RGS12: variants seen among roughly 807,000 people sequenced by gnomAD.
RGS12 encodes the protein regulator of G-protein signaling 12.
Under a neutral mutation model 120.1 loss-of-function variants are expected in RGS12, and 66 were observed. The ratio of observed to expected loss-of-function variants is 0.55; its 90% confidence interval spans 0.45 to 0.67. The LOEUF is 0.67. Ranked by LOEUF, RGS12 falls within the 30% of genes least tolerant of loss-of-function variation. RGS12 has a pLI of 0.00. For synonymous variants in RGS12, 827 were observed against 804.7 expected, an observed-to-expected ratio of 1.03 and a Z score of -0.47; for missense variants, 1,859 against 1,957.7, an observed-to-expected ratio of 0.95 and a Z score of 0.95.
At chr4:3,368,121 G>A (rs1382599894) in intron 3 of RGS12, among the ~76,000 whole-genome samples, 1 of 152,148 alleles carries the variant, frequency 6.6e-6, no homozygotes, top group African/African-American at 2.4e-5. Flanking sequence ...CCCAGGGTCT[G>A]GGGGCCCTGG....
chr4:3,303,092 T>C (rs1216743404), intron 1 of RGS12, among the ~76,000 whole-genome samples: 2 of 151,994 alleles, frequency 1.3e-5, no homozygotes, highest in Non-Finnish European at 2.9e-5. Flanking sequence ...CACGAGGAAG[T>C]GGGTCTGACC....
chr4:3,336,090 T>C (rs1236219292), intron 2 of RGS12, among the ~76,000 whole-genome samples: 1 of 151,994 alleles, frequency 6.6e-6, no homozygotes, highest in Non-Finnish European at 1.5e-5. Flanking sequence ...AAACGCTGTC[T>C]CAACAAACAA....
intron 3 of RGS12, among the ~76,000 whole-genome samples, chr4:3,380,445 CA>C (rs1462487358): frequency 2.0e-5 from 3 of 152,220 alleles, no homozygotes; most frequent in Non-Finnish European, 4.4e-5. Context: ...GGCAGTGTCC[CA>C]GTGGGGACTC....
At chr4:3,395,786 T>G (rs1386421658) in intron 4 of RGS12, among the ~76,000 whole-genome samples, 1 of 152,230 alleles carries the variant, frequency 6.6e-6, no homozygotes, top group Non-Finnish European at 1.5e-5. Flanking sequence ...CCTTATTGAT[T>G]TATAGAATAT....
intron 1 of RGS12, among the ~76,000 whole-genome samples, chr4:3,295,499 A>G (rs1723330123): frequency 6.6e-6 from 1 of 152,054 alleles, no homozygotes; most frequent in East Asian, 1.9e-4. Context: ...CGTCTCTACT[A>G]AAAATACAAA....
At chr4:3,291,659 C>G (rs899397992), upstream of RGS12, among the ~76,000 whole-genome samples, 3 of 152,142 alleles carry the variant, frequency 2.0e-5, no homozygotes, top group African/African-American at 4.8e-5. Context: ...TTCCCTGGCT[C>G]TCTCTGCTGG....
rs557400107 is a variant in RGS12, at chr4:3,388,826, G to T, written c.2020+2389G>T. Among the ~76,000 whole-genome samples, 902 of 152,330 alleles carry T rather than the reference G, an allele frequency of 5.9e-3. 1 individual carries two copies. Among genetic ancestry groups the T allele is most frequent in the Admixed American group, 0.011 (171 of 15,308 alleles). ...ACACAGAGATCTTTTTATAGGCTGT[G>T]GTCAGTGGGAGACTCAGTGCACTGA... On this transcript the variant is annotated intron_variant, in intron 4 of 17. Coordinates refer to ENST00000336727, the MANE Select transcript of RGS12 (RefSeq NM_001394154.1).
At chr4:3,395,327 T>C (rs1233419911) in intron 4 of RGS12, among the ~76,000 whole-genome samples, 2 of 152,246 alleles carry the variant, frequency 1.3e-5, no homozygotes, top group Admixed American at 6.5e-5. Flanking sequence ...CTCTCCTAGC[T>C]GTGGACTGTC....
At chr4:3,309,608 C>A (rs1378707308) in intron 1 of RGS12, among the ~76,000 whole-genome samples, 1 of 76,952 alleles carries the variant, frequency 1.3e-5, no homozygotes, top group Non-Finnish European at 2.4e-5. Context: ...GAGCTGGGAC[C>A]TGGGAATGGC....
intron 17 of RGS12, 46 bp downstream of exon 17, chr4:3,431,001 T>G: frequency 6.3e-7 from 1 of 1,594,908 alleles, no homozygotes; most frequent in Non-Finnish European, 8.5e-7. Flanking sequence ...GTAAGCGTGG[T>G]CTGCTCAGCT....
At chr4:3,367,380 C>G (rs1001586590) in intron 3 of RGS12, among the ~76,000 whole-genome samples, 1 of 152,262 alleles carries the variant, frequency 6.6e-6, no homozygotes, top group African/African-American at 2.4e-5. Context: ...AGCGCATGAT[C>G]GGGTGCTCCC....
intron 1 of RGS12, 82 bp downstream of exon 1, chr4:3,293,181 C>T (rs1011782694): frequency 8.2e-5 from 12 of 145,992 alleles, no homozygotes; most frequent in African/African-American, 3.0e-4. Context: ...CGCGCGCCCG[C>T]GCCCTCCGCC....
Position 3,414,087 on chromosome 4 carries a change from A to T in RGS12, c.2036A>T (p.Asp679Val). 6.4e-7 allele frequency: 1 copy of T among 1,567,608 alleles called. No individual in the cohort carries two copies. Among genetic ancestry groups the T allele is most frequent in the South Asian group, 1.1e-5 (1 of 87,242 alleles). Residue 679 changes from aspartate (D) to valine (V), a missense_variant, in exon 5 of 18, where the codon GAC becomes GTC. By Grantham distance (152) the Asp-to-Val change is radical. Around this residue, in one of 3 missense-constraint regions of RGS12, gnomAD observed 967 missense variants for 994.2 expected, o/e 0.97. Transcript: ENST00000336727. Reference protein sequence around the residue: ...TVSDGELTGADLKDCVSNNSL... With the variant: ...TVSDGELTGAVLKDCVSNNSL... Reference sequence around the variant, plus strand: ...GGTCCCGCAGAGTTGACGGGCGCCGACCTGAAGGACTGCGTCAGCAACAAC... The same window carrying T: ...GGTCCCGCAGAGTTGACGGGCGCCGTCCTGAAGGACTGCGTCAGCAACAAC...
At chr4:3,427,512 G>C (rs1344173149) in intron 14 of RGS12, among the ~76,000 whole-genome samples, 1 of 152,174 alleles carries the variant, frequency 6.6e-6, no homozygotes, top group Non-Finnish European at 1.5e-5. Flanking sequence ...AAGGTGGGTG[G>C]ATCACCTGAG....
At chr4:3,346,489 GT>G (rs1045810516) in intron 3 of RGS12, among the ~76,000 whole-genome samples, 2 of 152,184 alleles carry the variant, frequency 1.3e-5, no homozygotes, top group African/African-American at 4.8e-5. Flanking sequence ...GGCATCAGTG[GT>G]TTGGTGAACT....
intron 4 of RGS12, among the ~76,000 whole-genome samples, chr4:3,397,561 C>T (rs1720163476): frequency 6.6e-6 from 1 of 152,256 alleles, no homozygotes; most frequent in South Asian, 2.1e-4. Flanking sequence ...CAGGGTTTTG[C>T]CTCAGGCAGC....
intron 2 of RGS12, chr4:3,342,600 C>A (rs759242010): frequency 5.3e-6 from 7 of 1,317,186 alleles, no homozygotes; most frequent in Non-Finnish European, 6.0e-6. Flanking sequence ...ACTTTCCAAG[C>A]ACCCTTGCAC....
chr4:3,309,432 G>A (rs1724188515), intron 1 of RGS12, among the ~76,000 whole-genome samples: 1 of 142,552 alleles, frequency 7.0e-6, no homozygotes, highest in African/African-American at 2.7e-5. Flanking sequence ...GAACCGTGCA[G>A]GGGAGGAGCT....
chr4:3,307,351 C>T (rs1724033597), intron 1 of RGS12, among the ~76,000 whole-genome samples: 1 of 152,218 alleles, frequency 6.6e-6, no homozygotes, highest in South Asian at 2.1e-4. Flanking sequence ...CCGTCTCCAC[C>T]AAGCCAGCCT....
Sources: gnomAD v4.1 joint callset for allele counts (sites outside exome capture counted in the v4.1 genomes callset) on GRCh38, gnomAD v4.1.1 for gene constraint, gnomAD v4.1.1 regional missense constraint, MANE v1.5 for transcripts, NCBI Gene and HGNC (gene_info 2026-07-23, HGNC 2026-07-21) for gene names.